Variants in RSPRY1 observed in about 807,000 individuals in gnomAD.
RSPRY1 encodes ring finger and SPRY domain containing 1, also known as RING finger and SPRY domain-containing protein 1.
RSPRY1 carries 23 observed loss-of-function variants against 73.1 expected under a neutral mutation model. That is an observed-to-expected ratio of 0.31 (90% CI 0.23 to 0.45). RSPRY1 has a LOEUF of 0.45. Ranked by LOEUF, RSPRY1 falls within the 20% of genes least tolerant of loss-of-function variation. The probability of loss-of-function intolerance (pLI) is 1.00; values close to 1 mark genes in which losing one functional copy is unlikely to be tolerated. For synonymous variants in RSPRY1, 226 were observed against 251.4 expected, an observed-to-expected ratio of 0.90 and a Z score of 0.95; for missense variants, 448 against 698.7, an observed-to-expected ratio of 0.64 and a Z score of 4.05.
intron 1 of RSPRY1, among the ~76,000 whole-genome samples, chr16:57,194,661 G>C (rs2074408259): frequency 6.6e-6 from 1 of 152,090 alleles, no homozygotes; most frequent in Non-Finnish European, 1.5e-5. Context: ...CCCAAAGTCT[G>C]GTTTTTCTTC....
intron 1 of RSPRY1, among the ~76,000 whole-genome samples, chr16:57,198,624 T>C (rs2074499040): frequency 6.6e-6 from 1 of 152,184 alleles, no homozygotes; most frequent in Admixed American, 6.5e-5. Context: ...TTTTTCCCCC[T>C]GAAATTACTG....
chr16:57,214,934 C>G (rs2074911755), intron 6 of RSPRY1, among the ~76,000 whole-genome samples: 2 of 151,880 alleles, frequency 1.3e-5, no homozygotes, highest in Admixed American at 1.3e-4. Flanking sequence ...GAGGCTGAGG[C>G]AGGAATTCAC....
At chr16:57,202,784 C>G (rs2074644174) in intron 1 of RSPRY1, among the ~76,000 whole-genome samples, 1 of 151,602 alleles carries the variant, frequency 6.6e-6, no homozygotes, top group African/African-American at 2.4e-5. Flanking sequence ...TTCCTTTATC[C>G]TTTTCTTTCT....
intron 1 of RSPRY1, among the ~76,000 whole-genome samples, chr16:57,203,282 C>T (rs1307000372): frequency 1.3e-5 from 2 of 151,914 alleles, no homozygotes; most frequent in African/African-American, 2.4e-5. Context: ...GGTGATAGAG[C>T]GAGACTCCTC....
At chr16:57,235,708 A>C (rs1396928485) in intron 14 of RSPRY1, among the ~76,000 whole-genome samples, 1 of 152,226 alleles carries the variant, frequency 6.6e-6, no homozygotes, top group Non-Finnish European at 1.5e-5. Context: ...GGAGAAGAGC[A>C]GTTGGGCAAT....
intron 4 of RSPRY1, among the ~76,000 whole-genome samples, chr16:57,212,187 G>T (rs11861071): frequency 0.091 from 13,788 of 152,002 alleles, 767 homozygotes; most frequent in East Asian, 0.23. Context: ...GACATGTGCC[G>T]GTAGTCCCAG....
intron 14 of RSPRY1, among the ~76,000 whole-genome samples, chr16:57,236,420 A>G (rs2075300541): frequency 6.6e-6 from 1 of 152,196 alleles, no homozygotes; most frequent in South Asian, 2.1e-4. Flanking sequence ...TTATAAGAAA[A>G]TTTAGCTAAA....
At chr16:57,215,006 C>T (rs1368976313) in intron 6 of RSPRY1, among the ~76,000 whole-genome samples, 27 of 149,918 alleles carry the variant, frequency 1.8e-4, no homozygotes, top group Non-Finnish European at 2.7e-4. Context: ...CCAGCCTGGG[C>T]GACAGAGCGA....
intron 1 of RSPRY1, among the ~76,000 whole-genome samples, chr16:57,188,564 T>A (rs1020043185): frequency 6.6e-6 from 1 of 152,344 alleles, no homozygotes; most frequent in South Asian, 2.1e-4. Flanking sequence ...TTGCCCAGGC[T>A]GGAGTGCAGT....
intron 4 of RSPRY1, among the ~76,000 whole-genome samples, 185 bp from the exon 5 acceptor site, chr16:57,212,787 G>A (rs906053907): frequency 6.6e-6 from 1 of 151,984 alleles, no homozygotes; most frequent in South Asian, 2.1e-4. Context: ...GCTAATTTTT[G>A]TATTCTTAGT....
At chr16:57,198,341 G>A (rs761022009) in intron 1 of RSPRY1, among the ~76,000 whole-genome samples, 5 of 151,222 alleles carry the variant, frequency 3.3e-5, no homozygotes, top group African/African-American at 1.2e-4. Context: ...CTGAGATCAC[G>A]CCACTGCACT....
At chr16:57,188,448 G>C (rs1442427949) in intron 1 of RSPRY1, among the ~76,000 whole-genome samples, 1 of 152,148 alleles carries the variant, frequency 6.6e-6, no homozygotes, top group Non-Finnish European at 1.5e-5. Flanking sequence ...TGTTAGAGAT[G>C]GTTTTCCAAA....
intron 1 of RSPRY1, among the ~76,000 whole-genome samples, chr16:57,200,951 G>GGC (rs2074576083): frequency 9.2e-6 from 1 of 108,178 alleles, no homozygotes; most frequent in Admixed American, 8.4e-5. Context: ...GCTGGCCGGG[G>GGC]GGGGGGGGGG....
rs2074696385 is a variant in RSPRY1, at chr16:57,204,916, G to C, written c.258G>C (p.Arg86Ser). The C allele has an allele frequency of 1.2e-6, 2 of 1,614,192 alleles. No homozygotes were observed. The highest frequency in any genetic ancestry group is 1.7e-6 in the Non-Finnish European group (2 of 1,180,034). The change falls in exon 2 of 15, where the codon AGG (arginine) becomes AGC (serine). Residue 86 changes from arginine to serine, a missense_variant. Physicochemically the swap from Arg to Ser is moderately radical, Grantham distance 110 (BLOSUM62 -1). Transcript: ENST00000394420. The part of the protein sequence containing the change: ...QPRDPVRPPR[R>S]GRGPHEPRRK... ...GGGACCCTGTTCGGCCACCAAGGAG[G>C]GGCCGAGGACCTCATGAGCCAAGGA...
intron 13 of RSPRY1, among the ~76,000 whole-genome samples, chr16:57,233,764 A>G (rs905630671): frequency 2.6e-5 from 4 of 152,032 alleles, no homozygotes; most frequent in Admixed American, 1.3e-4. Flanking sequence ...TCCACATTCA[A>G]TCCCTCAGCA....
intron 1 of RSPRY1, among the ~76,000 whole-genome samples, chr16:57,191,511 G>A (rs1223625479): frequency 6.6e-6 from 1 of 152,120 alleles, no homozygotes; most frequent in African/African-American, 2.4e-5. Flanking sequence ...ATGCAGAATG[G>A]GGATTCCTGC....
At chr16:57,191,654 GT>G (rs1403179011) in intron 1 of RSPRY1, among the ~76,000 whole-genome samples, 2 of 151,820 alleles carry the variant, frequency 1.3e-5, no homozygotes, top group Non-Finnish European at 2.9e-5. Context: ...TAATTTATAG[GT>G]TTTTTTGTTT....
chr16:57,210,422 G>C (rs766514265), intron 4 of RSPRY1, among the ~76,000 whole-genome samples: 1 of 152,112 alleles, frequency 6.6e-6, no homozygotes, highest in Non-Finnish European at 1.5e-5. Flanking sequence ...AGCATTTAAG[G>C]CTGGGCGCGG....
rs943106942 is a variant in RSPRY1, at chr16:57,196,284, T to A, written c.-155-8220T>A. 1.6e-4 allele frequency among the ~76,000 whole-genome samples: 25 copies of A among 152,214 alleles called. 1 individual carries two copies. Among genetic ancestry groups the A allele is most frequent in the Middle Eastern group, 3.4e-3 (1 of 294 alleles). ...ATTCTAATGGCTTTTTAGGCTGACCTCTCCAAAAGACTGCATTCAAAGATA... is the reference window on the plus strand; with the variant it reads ...ATTCTAATGGCTTTTTAGGCTGACCACTCCAAAAGACTGCATTCAAAGATA... On this transcript the variant is annotated intron_variant, in intron 1 of 14. Coordinates refer to ENST00000394420, the MANE Select transcript of RSPRY1 (RefSeq NM_133368.3).
Sources: gnomAD v4.1 joint callset for allele counts (sites outside exome capture counted in the v4.1 genomes callset) on GRCh38, gnomAD v4.1.1 for gene constraint, MANE v1.5 for transcripts, NCBI Gene and HGNC (gene_info 2026-07-23, HGNC 2026-07-21) for gene names.